Variants in KCNIP1 observed in about 807,000 individuals in gnomAD.
KCNIP1 encodes the protein potassium voltage-gated channel interacting protein 1.
KCNIP1 carries 18 observed loss-of-function variants against 33.0 expected under a neutral mutation model. The observed-to-expected ratio is 0.55, with a 90% CI of 0.38 to 0.81. The LOEUF (loss-of-function observed/expected upper bound fraction) is 0.81. Ranked by LOEUF, KCNIP1 falls within the 30% of genes least tolerant of loss-of-function variation. KCNIP1 has a pLI of 0.00. For synonymous variants in KCNIP1, 93 were observed against 98.3 expected, an observed-to-expected ratio of 0.95 and a Z score of 0.32; for missense variants, 238 against 271.6, an observed-to-expected ratio of 0.88 and a Z score of 0.87.
At chr5:170,388,569 G>C (rs1006448108) in intron 1 of KCNIP1, among the ~76,000 whole-genome samples, 1 of 152,214 alleles carries the variant, frequency 6.6e-6, no homozygotes, top group Non-Finnish European at 1.5e-5. Flanking sequence ...AGATGGAGAA[G>C]GACAAAGGAA....
At chr5:170,516,566 C>A (rs1755130356) in intron 1 of KCNIP1, among the ~76,000 whole-genome samples, 1 of 152,166 alleles carries the variant, frequency 6.6e-6, no homozygotes, top group African/African-American at 2.4e-5. Flanking sequence ...GAGGATCTCC[C>A]CCACCCGCCA....
At chr5:170,674,872 C>T (rs1330102988) in intron 1 of KCNIP1, among the ~76,000 whole-genome samples, 1 of 152,158 alleles carries the variant, frequency 6.6e-6, no homozygotes, top group Non-Finnish European at 1.5e-5. Context: ...GGAGAGCCAG[C>T]CCTGCTGGAT....
At chr5:170,698,783 C>T (rs1762987113) in intron 1 of KCNIP1, among the ~76,000 whole-genome samples, 2 of 152,110 alleles carry the variant, frequency 1.3e-5, no homozygotes, top group South Asian at 2.1e-4. Context: ...GAGTATATAC[C>T]GCCACACCAA....
At chr5:170,698,837 T>A (rs1336800785) in intron 1 of KCNIP1, among the ~76,000 whole-genome samples, 1 of 152,184 alleles carries the variant, frequency 6.6e-6, no homozygotes, top group Non-Finnish European at 1.5e-5. Context: ...ACAAGAGCCT[T>A]GTAAAGTAGG....
intron 1 of KCNIP1, among the ~76,000 whole-genome samples, chr5:170,408,585 C>T (rs933688347): frequency 6.6e-6 from 1 of 152,118 alleles, no homozygotes; most frequent in African/African-American, 2.4e-5. Context: ...GGAAATTGTC[C>T]AATTCCAAAT....
intron 1 of KCNIP1, among the ~76,000 whole-genome samples, chr5:170,619,356 T>G (rs1214698487): frequency 6.6e-6 from 1 of 152,130 alleles, no homozygotes; most frequent in Non-Finnish European, 1.5e-5. Context: ...GAGCCTCAGT[T>G]TCCCCTTCTG....
intron 1 of KCNIP1, among the ~76,000 whole-genome samples, chr5:170,696,070 T>C (rs1378095758): frequency 6.6e-6 from 1 of 151,296 alleles, no homozygotes; most frequent in Non-Finnish European, 1.5e-5. Context: ...TTGCGCATGC[T>C]GTTCCCTCTT....
intron 1 of KCNIP1, among the ~76,000 whole-genome samples, chr5:170,444,692 C>CT (rs200470198): frequency 0.044 from 5,952 of 136,634 alleles, 182 homozygotes; most frequent in African/African-American, 0.083. Context: ...TATATTTTTT[C>CT]TTTTTTTAAA....
chr5:170,552,840 C>T (rs983093531), intron 1 of KCNIP1, among the ~76,000 whole-genome samples: 1 of 152,216 alleles, frequency 6.6e-6, no homozygotes, highest in Non-Finnish European at 1.5e-5. Flanking sequence ...GATAGCGTGG[C>T]CCAGAAAGGC....
chr5:170,725,051 T>A (rs1387165375), intron 5 of KCNIP1, among the ~76,000 whole-genome samples: 1 of 152,092 alleles, frequency 6.6e-6, no homozygotes, highest in Non-Finnish European at 1.5e-5. Context: ...TTAATGAAAA[T>A]GTGCAGTAGT....
chr5:170,655,326 T>G (rs1042165767), intron 1 of KCNIP1, among the ~76,000 whole-genome samples: 1 of 152,152 alleles, frequency 6.6e-6, no homozygotes, highest in Admixed American at 6.5e-5. Context: ...CAGGTCACAC[T>G]CGGCCCAGTG....
At chr5:170,705,505 T>A (rs191216252) in intron 1 of KCNIP1, among the ~76,000 whole-genome samples, 1 of 152,284 alleles carries the variant, frequency 6.6e-6, no homozygotes, top group East Asian at 1.9e-4. Context: ...TGGCCATCAG[T>A]TGTTATGTCT....
chr5:170,581,775 C>T (rs905114103), intron 1 of KCNIP1, among the ~76,000 whole-genome samples: 1 of 152,110 alleles, frequency 6.6e-6, no homozygotes, highest in Non-Finnish European at 1.5e-5. Context: ...AAGGAGAACC[C>T]AAGGCTGAGT....
At chr5:170,664,672 G>T (rs1761636421) in intron 1 of KCNIP1, among the ~76,000 whole-genome samples, 1 of 152,134 alleles carries the variant, frequency 6.6e-6, no homozygotes, top group Non-Finnish European at 1.5e-5. Flanking sequence ...TTTCGGGGAT[G>T]AAAAAGGCAG....
At chr5:170,667,279 T>A (rs1373748872) in intron 1 of KCNIP1, among the ~76,000 whole-genome samples, 2 of 149,050 alleles carry the variant, frequency 1.3e-5, no homozygotes, top group Non-Finnish European at 3.0e-5. Flanking sequence ...GCCATTGCAC[T>A]CCAGCCTGAG....
chr5:170,354,016 G>T, intron 1 of KCNIP1: 1 of 1,518,150 alleles, frequency 6.6e-7, no homozygotes, highest in Middle Eastern at 1.7e-4. Flanking sequence ...GGCCTGGCTG[G>T]TCGCATTGCC....
At chr5:170,440,562 T>C (rs1379732038) in intron 1 of KCNIP1, among the ~76,000 whole-genome samples, 1 of 152,032 alleles carries the variant, frequency 6.6e-6, no homozygotes, top group Non-Finnish European at 1.5e-5. Flanking sequence ...TCCAGGAGCA[T>C]GAGGATGCTG....
At position 170,409,051 on chromosome 5, in the gene KCNIP1, G is replaced by A. The variant is rs145736137; in HGVS notation, c.88+55087G>A. Reference sequence around the variant, plus strand: ...AGAGGCGGGAGGGGCAGTACGGGGAGAGGCTCTATTCTAGGGACCCAACAA... The same window carrying A: ...AGAGGCGGGAGGGGCAGTACGGGGAAAGGCTCTATTCTAGGGACCCAACAA... On this transcript the variant is annotated intron_variant, in intron 1 of 7. Coordinates refer to the KCNIP1 transcript ENST00000377360. Among the ~76,000 whole-genome samples the A allele has an allele frequency of 3.3e-4, 51 of 152,314 alleles. No homozygotes were observed. The East Asian group carries it at 9.7e-3, about 29-fold the overall frequency.
At chr5:170,638,932 GGGAGAGGCC>G (rs1760412884) in intron 1 of KCNIP1, among the ~76,000 whole-genome samples, 1 of 152,194 alleles carries the variant, frequency 6.6e-6, no homozygotes, top group African/African-American at 2.4e-5. Flanking sequence ...CCAGGCCTAG[GGGAGAGGCC>G]GGTGTCTCCA....
Sources: gnomAD v4.1 joint callset for allele counts (sites outside exome capture counted in the v4.1 genomes callset) on GRCh38, gnomAD v4.1.1 for gene constraint, MANE v1.5 for transcripts, NCBI Gene and HGNC (gene_info 2026-07-23, HGNC 2026-07-21) for gene names.